The following KCNIP4 variants were observed in gnomAD, a reference collection of about 807,000 sequenced individuals.
The protein encoded by KCNIP4 is potassium voltage-gated channel interacting protein 4.
Under a neutral mutation model 34.0 loss-of-function variants are expected in KCNIP4, and 12 were observed. That is an observed-to-expected ratio of 0.35 (90% CI 0.23 to 0.57). The LOEUF is 0.57. Among genes scored for constraint, KCNIP4 ranks in the 20% least tolerant of loss-of-function variants. KCNIP4 has a pLI of 0.83. For synonymous variants in KCNIP4, 124 were observed against 102.2 expected (o/e 1.21, Z -1.29); for missense variants, 238 against 311.7 (o/e 0.76, Z 1.78).
chr4:21,819,124 A>C, intron 1 of KCNIP4, among the ~76,000 whole-genome samples: 1 of 152,360 alleles, frequency 6.6e-6, no homozygotes, highest in East Asian at 1.9e-4. Context: ...TTTTAAAAAC[A>C]GCATATTTTC....
At chr4:21,638,453 T>C (rs764860188) in intron 1 of KCNIP4, among the ~76,000 whole-genome samples, 2 of 152,284 alleles carry the variant, frequency 1.3e-5, no homozygotes, top group Non-Finnish European at 2.9e-5. Context: ...TGTATAACCA[T>C]GAAAAAGAAA....
rs79928063 is a variant in KCNIP4 at position 21,039,675 on chromosome 4, A to G, written c.62-156966T>C. ...TGCAGAGTGACATTCAATTGCTCTT[A>G]CTTGTTTATGTAACCACTTTCACTA... On this transcript the variant is annotated intron_variant, in intron 1 of 8. Coordinates refer to ENST00000382152, the MANE Select transcript of KCNIP4 (RefSeq NM_025221.6). Among the ~76,000 whole-genome samples, 1,041 of 152,266 alleles carry G rather than the reference A, an allele frequency of 6.8e-3. 16 individuals are homozygous for G. The highest frequency in any genetic ancestry group is 0.024 in the African/African-American group (985 of 41,562).
intron 1 of KCNIP4, among the ~76,000 whole-genome samples, chr4:21,514,918 A>G (rs772733938): frequency 2.6e-4 from 40 of 152,170 alleles, no homozygotes; most frequent in Non-Finnish European, 5.1e-4. Flanking sequence ...CCAATTAATT[A>G]ATTAACTCAT....
intron 1 of KCNIP4, among the ~76,000 whole-genome samples, chr4:21,479,392 G>A (rs779400534): frequency 8.5e-5 from 13 of 152,142 alleles, no homozygotes; most frequent in Non-Finnish European, 1.6e-4. Flanking sequence ...AAGTGATGTA[G>A]TTTTTATTCT....
chr4:21,077,798 T>C (rs559986300), intron 1 of KCNIP4, among the ~76,000 whole-genome samples: 159 of 152,240 alleles, frequency 1.0e-3, no homozygotes, highest in African/African-American at 3.7e-3. Flanking sequence ...TAATAATTGT[T>C]ATTACAATTA....
chr4:20,972,813 AT>A (rs1162506651), intron 1 of KCNIP4, among the ~76,000 whole-genome samples: 1 of 152,198 alleles, frequency 6.6e-6, no homozygotes, highest in Non-Finnish European at 1.5e-5. Flanking sequence ...CTCATGAATG[AT>A]TTTGAGGGGT....
chr4:21,306,782 G>T (rs75244699), intron 1 of KCNIP4, among the ~76,000 whole-genome samples: 5,729 of 151,916 alleles, frequency 0.038, 151 homozygotes, highest in Middle Eastern at 0.085. Context: ...CACATTTAAA[G>T]TTGATGACCT....
intron 1 of KCNIP4, among the ~76,000 whole-genome samples, chr4:21,134,314 CCTT>C (rs977774786): frequency 6.6e-6 from 1 of 152,152 alleles, no homozygotes; most frequent in Admixed American, 6.5e-5. Flanking sequence ...CATATTTTCT[CCTT>C]CTTTTAATCT....
At position 20,778,820 on chromosome 4, in the gene KCNIP4, G is replaced by T. The variant is rs528657308; in HGVS notation, c.289-19930C>A. Among the ~76,000 whole-genome samples the T allele has an allele frequency of 1.8e-4, 27 of 152,290 alleles. No individual in the cohort carries two copies. The East Asian group carries it at 5.2e-3, about 29-fold the overall frequency. On this transcript the variant is annotated intron_variant, in intron 3 of 8. Coordinates refer to ENST00000382152, the MANE Select transcript of KCNIP4 (RefSeq NM_025221.6). Reference sequence around the variant, plus strand: ...TAGACAGCTGTTTTAGGAATTTTATGTAAGAGTATAAGAATGAGACTTGCC... The same window carrying T: ...TAGACAGCTGTTTTAGGAATTTTATTTAAGAGTATAAGAATGAGACTTGCC...
chr4:20,857,014 G>T (rs186111390), intron 2 of KCNIP4, among the ~76,000 whole-genome samples: 7 of 150,698 alleles, frequency 4.6e-5, no homozygotes, highest in Admixed American at 4.6e-4. Context: ...AATTAAGTGT[G>T]CGTGATAGGA....
At chr4:20,871,776 C>T (rs899307134) in intron 2 of KCNIP4, among the ~76,000 whole-genome samples, 2 of 152,046 alleles carry the variant, frequency 1.3e-5, no homozygotes, top group African/African-American at 4.8e-5. Flanking sequence ...TCCTCTTAGT[C>T]CAGGGGCAGC....
intron 1 of KCNIP4, among the ~76,000 whole-genome samples, chr4:21,037,416 C>T (rs182496050): frequency 1.5e-3 from 236 of 152,298 alleles, no homozygotes; most frequent in Middle Eastern, 3.4e-3. Context: ...TATACCTTTT[C>T]TCTGTTTAGA....
intron 1 of KCNIP4, among the ~76,000 whole-genome samples, chr4:20,886,553 G>T (rs891444437): frequency 6.6e-6 from 1 of 152,220 alleles, no homozygotes; most frequent in African/African-American, 2.4e-5. Flanking sequence ...AGAATGGAAT[G>T]AAATAACACA....
At chr4:21,102,880 CTT>C (rs1748070800) in intron 1 of KCNIP4, among the ~76,000 whole-genome samples, 1 of 152,142 alleles carries the variant, frequency 6.6e-6, no homozygotes. Context: ...TCTAATTTCA[CTT>C]TGTTTCCTTT....
intron 1 of KCNIP4, among the ~76,000 whole-genome samples, chr4:21,679,624 C>T (rs900670199): frequency 4.6e-5 from 7 of 152,162 alleles, no homozygotes; most frequent in Non-Finnish European, 7.4e-5. Flanking sequence ...CTGTTTTTCT[C>T]TTGTGGTGCT....
intron 1 of KCNIP4, among the ~76,000 whole-genome samples, chr4:21,879,511 C>T (rs1281040875): frequency 6.6e-6 from 1 of 152,158 alleles, no homozygotes; most frequent in East Asian, 1.9e-4. Context: ...GGCTTCTTGT[C>T]CAAACTTTAA....
intron 1 of KCNIP4, among the ~76,000 whole-genome samples, chr4:21,679,318 T>C (rs1750158874): frequency 6.6e-6 from 1 of 152,240 alleles, no homozygotes; most frequent in African/African-American, 2.4e-5. Context: ...ATGTGTATTA[T>C]CTGACTCCCC....
At chr4:21,733,993 A>G (rs567587510) in intron 1 of KCNIP4, among the ~76,000 whole-genome samples, 2 of 152,240 alleles carry the variant, frequency 1.3e-5, no homozygotes, top group East Asian at 3.9e-4. Flanking sequence ...TATATGACTT[A>G]AGTAATAAGT....
At chr4:21,324,703 GT>G (rs906832422) in intron 1 of KCNIP4, among the ~76,000 whole-genome samples, 1 of 149,762 alleles carries the variant, frequency 6.7e-6, no homozygotes. Context: ...GTTTTGTTTT[GT>G]TTTTTTCTTT....
Sources: gnomAD v4.1 joint callset for allele counts (sites outside exome capture counted in the v4.1 genomes callset) on GRCh38, gnomAD v4.1.1 for gene constraint, MANE v1.5 for transcripts, NCBI Gene and HGNC (gene_info 2026-07-23, HGNC 2026-07-21) for gene names.